ETV6: variants seen among roughly 807,000 people sequenced by gnomAD.
ETV6 encodes the protein transcription factor ETV6.
ETV6 carries 16 observed loss-of-function variants against 51.1 expected under a neutral mutation model. The ratio of observed to expected loss-of-function variants is 0.31; its 90% CI spans 0.21 to 0.48. ETV6 has a LOEUF of 0.48. Among genes scored for constraint, ETV6 ranks in the 20% least tolerant of loss-of-function variants. ETV6 has a pLI of 0.99. For missense variants in ETV6, 458 were observed against 594.8 expected (o/e 0.77, Z 2.39); for synonymous variants, 240 against 224.1 (o/e 1.07, Z -0.64).
At chr12:11,734,839 G>C (rs1865672502) in intron 1 of ETV6, among the ~76,000 whole-genome samples, 1 of 152,166 alleles carries the variant, frequency 6.6e-6, no homozygotes, top group Non-Finnish European at 1.5e-5. Flanking sequence ...ATGCTTCCAA[G>C]CCGTAGCTCT....
rs185984576 is a variant in ETV6, at chr12:11,826,683, G to A, written c.164-12457G>A. On this transcript the variant is annotated intron_variant, in intron 2 of 7. Transcript: ENST00000396373. ...GAGATCTTCATGCTTTCATCCAAAC[G>A]AATGAATAATGTAAAATCCCAGGTG... 53 of 152,264 alleles carry A rather than the reference G, an allele frequency of 3.5e-4. 1 individual carries two copies. Among genetic ancestry groups the A allele is most frequent in the African/African-American group, 1.2e-3 (51 of 41,520 alleles). 9.4% of individuals were successfully genotyped at this position (152,264 alleles called of 1,614,324 possible).
intron 4 of ETV6, among the ~76,000 whole-genome samples, chr12:11,856,801 A>G (rs1237082367): frequency 2.6e-5 from 4 of 152,236 alleles, no homozygotes; most frequent in Admixed American, 2.6e-4. Context: ...GTTAACATAC[A>G]GAAAGATCTG....
intron 1 of ETV6, among the ~76,000 whole-genome samples, chr12:11,715,420 C>T (rs1378674767): frequency 6.6e-6 from 1 of 152,158 alleles, no homozygotes; most frequent in Non-Finnish European, 1.5e-5. Context: ...GGTTTAAATA[C>T]TCATTATCAC....
At chr12:11,863,767 G>T (rs543436789) in intron 4 of ETV6, among the ~76,000 whole-genome samples, 211 of 152,302 alleles carry the variant, frequency 1.4e-3, no homozygotes, top group African/African-American at 4.8e-3. Context: ...AAGTTTCCAT[G>T]CCCTGCTGCC....
At chr12:11,775,282 ATGT>A (rs1010568091) in intron 2 of ETV6, among the ~76,000 whole-genome samples, 5 of 152,210 alleles carry the variant, frequency 3.3e-5, no homozygotes, top group Non-Finnish European at 7.3e-5. Context: ...AGGGAAGCTG[ATGT>A]TGTATTGCAG....
intron 4 of ETV6, 50 bp downstream of exon 4, chr12:11,853,611 G>C (rs779225640): frequency 6.3e-7 from 1 of 1,598,926 alleles, no homozygotes; most frequent in Non-Finnish European, 8.5e-7. Context: ...ACAAATCCAG[G>C]AAGTTTAATT....
At chr12:11,676,219 C>G (rs1343952647) in intron 1 of ETV6, among the ~76,000 whole-genome samples, 1 of 152,154 alleles carries the variant, frequency 6.6e-6, no homozygotes, top group Non-Finnish European at 1.5e-5. Flanking sequence ...AGCTTTATGC[C>G]TTTTTCTTAG....
At chr12:11,849,845 A>C (rs1341644028) in intron 3 of ETV6, among the ~76,000 whole-genome samples, 1 of 152,174 alleles carries the variant, frequency 6.6e-6, no homozygotes, top group African/African-American at 2.4e-5. Flanking sequence ...CTAATATTCC[A>C]AGTTATTACT....
rs764345819 is a variant in ETV6 at position 11,685,643 on chromosome 12, TG to T, written c.33+35486del. On this transcript the variant is annotated intron_variant, in intron 1 of 7. Transcript: ENST00000396373. ...TTTCATGTACATATGAATGTGTATG[TG>T]GGTGATAGGAAGAAGAGAGGATGCA... Among the ~76,000 whole-genome samples the T allele has an allele frequency of 4.1e-4, 62 of 152,132 alleles. 1 individual carries two copies. The highest frequency in any genetic ancestry group is 1.5e-4 in the Non-Finnish European group (10 of 68,034).
intron 2 of ETV6, among the ~76,000 whole-genome samples, chr12:11,791,592 A>G (rs1945594419): frequency 6.6e-6 from 1 of 152,210 alleles, no homozygotes; most frequent in Non-Finnish European, 1.5e-5. Flanking sequence ...CAGTTGATGA[A>G]AACAAATTGC....
chr12:11,790,207 A>G (rs777724537), intron 2 of ETV6, among the ~76,000 whole-genome samples: 15 of 150,304 alleles, frequency 1.0e-4, no homozygotes, highest in Non-Finnish European at 1.8e-4. Flanking sequence ...GCAATATCTT[A>G]TTTCTCTCTG....
chr12:11,758,421 CTG>C (rs1472093952), intron 2 of ETV6, among the ~76,000 whole-genome samples: 1 of 152,148 alleles, frequency 6.6e-6, no homozygotes, highest in East Asian at 1.9e-4. Flanking sequence ...ATGTCGTTGT[CTG>C]TGTGTTTCAT....
intron 2 of ETV6, among the ~76,000 whole-genome samples, chr12:11,767,566 G>A (rs536928638): frequency 6.6e-6 from 1 of 152,342 alleles, no homozygotes; most frequent in Admixed American, 6.5e-5. Context: ...TTCAATCCTG[G>A]CTGTCACTCA....
intron 1 of ETV6, among the ~76,000 whole-genome samples, chr12:11,715,463 G>C (rs556514751): frequency 6.6e-6 from 1 of 152,216 alleles, no homozygotes; most frequent in African/African-American, 2.4e-5. Flanking sequence ...ATGAAACAGG[G>C]ATGCTATGTT....
intron 4 of ETV6, among the ~76,000 whole-genome samples, chr12:11,862,912 C>T (rs774825349): frequency 6.6e-5 from 10 of 152,180 alleles, no homozygotes; most frequent in Non-Finnish European, 1.3e-4. Context: ...CTCTGTGTAT[C>T]ATTCATACTT....
At chr12:11,860,149 C>T (rs1946694575) in intron 4 of ETV6, among the ~76,000 whole-genome samples, 1 of 152,142 alleles carries the variant, frequency 6.6e-6, no homozygotes, top group Non-Finnish European at 1.5e-5. Context: ...AAAGCTGGCC[C>T]CTCTCTACAG....
At chr12:11,761,638 T>C (rs924376110) in intron 2 of ETV6, among the ~76,000 whole-genome samples, 1 of 152,244 alleles carries the variant, frequency 6.6e-6, no homozygotes, top group African/African-American at 2.4e-5. Context: ...CCACATGGCA[T>C]GTGTGCCAGA....
intron 1 of ETV6, among the ~76,000 whole-genome samples, chr12:11,663,780 TG>T (rs1244756916): frequency 6.6e-6 from 1 of 152,134 alleles, no homozygotes; most frequent in African/African-American, 2.4e-5. Flanking sequence ...TGTATGTGTG[TG>T]TGTGTGTGTC....
intron 1 of ETV6, among the ~76,000 whole-genome samples, chr12:11,735,942 C>G (rs530880798): frequency 2.0e-5 from 3 of 152,164 alleles, no homozygotes. Flanking sequence ...TTGCTGAATC[C>G]CAAGTTTTTA....
Sources: gnomAD v4.1 joint callset for allele counts (sites outside exome capture counted in the v4.1 genomes callset) on GRCh38, gnomAD v4.1.1 for gene constraint, MANE v1.5 for transcripts, NCBI Gene and HGNC (gene_info 2026-07-23, HGNC 2026-07-21) for gene names.